The following BORCS5 variants were observed in gnomAD, a reference collection of about 807,000 sequenced individuals.
BORCS5 encodes the protein BLOC-1 related complex subunit 5.
In BORCS5, 17 loss-of-function variants were observed where a neutral mutation model predicts 22.1. The ratio of observed to expected loss-of-function variants is 0.77; its 90% CI spans 0.53 to 1.15. The LOEUF (loss-of-function observed/expected upper bound fraction) is 1.15, where lower values mean the gene tolerates loss of function less well. Among genes scored for constraint, BORCS5 ranks in the 50% most tolerant of loss-of-function variants. The pLI is 0.00. For synonymous variants in BORCS5, 117 were observed against 99.8 expected, an observed-to-expected ratio of 1.17 and a Z score of -1.03; for missense variants, 247 against 253.2, an observed-to-expected ratio of 0.98 and a Z score of 0.17.
At chr12:12,460,413 TA>T (rs569111803) in intron 3 of BORCS5, among the ~76,000 whole-genome samples, 179 of 152,360 alleles carry the variant, frequency 1.2e-3, no homozygotes, top group Non-Finnish European at 2.3e-3. Flanking sequence ...AAAGATTTTC[TA>T]AGTGTATTAT....
chr12:12,419,638 T>A (rs1362120991), intron 2 of BORCS5, among the ~76,000 whole-genome samples: 1 of 152,242 alleles, frequency 6.6e-6, no homozygotes, highest in Non-Finnish European at 1.5e-5. Flanking sequence ...CCACAATGGT[T>A]GGACTAAATT....
chr12:12,435,556 T>A, intron 2 of BORCS5, 72 bp from the exon 3 acceptor site: 1 of 1,301,438 alleles, frequency 7.7e-7, no homozygotes, highest in Non-Finnish European at 1.1e-6. Context: ...TTCAGTGAAC[T>A]TGTTAAACTA....
At chr12:12,405,851 G>A (rs928687912) in intron 2 of BORCS5, among the ~76,000 whole-genome samples, 2 of 152,216 alleles carry the variant, frequency 1.3e-5, no homozygotes, top group Non-Finnish European at 1.5e-5. Context: ...TTTTCTGGCT[G>A]ATTTAAGCAG....
chr12:12,470,452 A>G lies in BORCS5; in HGVS notation c.*4676A>G, dbSNP rs567146858. Reference sequence around the variant, plus strand: ...CCTGTCAGAACAGACCCAGCATTAGACTCCCCTAAGAGCGTGAACCCTATT... The same window carrying G: ...CCTGTCAGAACAGACCCAGCATTAGGCTCCCCTAAGAGCGTGAACCCTATT... On this transcript the variant is annotated 3_prime_UTR_variant, in exon 4 of 4. Transcript: ENST00000314565. Among the ~76,000 whole-genome samples, 4 of 151,740 alleles carry G rather than the reference A, an allele frequency of 2.6e-5. No homozygotes were observed. In the South Asian group the frequency reaches 8.4e-4, roughly 32 times the overall value.
At chr12:12,429,853 AG>A (rs1942377793) in intron 2 of BORCS5, among the ~76,000 whole-genome samples, 1 of 152,160 alleles carries the variant, frequency 6.6e-6, no homozygotes, top group Non-Finnish European at 1.5e-5. Context: ...AGTCTTCTGA[AG>A]CACCGGAGAG....
At chr12:12,442,475 A>G (rs1438050185) in intron 3 of BORCS5, among the ~76,000 whole-genome samples, 3 of 152,184 alleles carry the variant, frequency 2.0e-5, no homozygotes, top group Non-Finnish European at 2.9e-5. Context: ...AGATGTGTTG[A>G]TAAGCATAGT....
intron 3 of BORCS5, among the ~76,000 whole-genome samples, chr12:12,443,226 A>G (rs957770706): frequency 3.3e-5 from 5 of 152,218 alleles, no homozygotes; most frequent in African/African-American, 1.2e-4. Flanking sequence ...ACCTGAAATT[A>G]TAAAATGAGT....
In BORCS5 at chr12:12,435,720, C is replaced by G; in HGVS notation, c.295C>G (p.His99Asp). 1.2e-6 allele frequency: 2 copies of G among 1,614,062 alleles called. No homozygotes were observed. The highest frequency in any genetic ancestry group is 1.7e-6 in the Non-Finnish European group (2 of 1,179,966). ...VLQLCLRYQD[H>D]LHQCAEAVAF... ...GCAGCTCTGCCTCCGATATCAAGAT[C>G]ACCTGCATCAGTGTGCAGAGGCCGT... The change falls in exon 3 of 4, where the codon CAC becomes GAC. Residue 99 changes from histidine (H) to aspartate (D), a missense_variant. Transcript: ENST00000314565.
At chr12:12,436,017 T>G (rs1340902680) in intron 3 of BORCS5, 1 of 433,208 alleles carries the variant, frequency 2.3e-6, no homozygotes, top group African/African-American at 2.0e-5. Context: ...CTGTCTCAGT[T>G]TCCTCATGTG....
chr12:12,372,117 G>T (rs189569030), intron 2 of BORCS5, among the ~76,000 whole-genome samples: 1 of 152,124 alleles, frequency 6.6e-6, no homozygotes, highest in Non-Finnish European at 1.5e-5. Flanking sequence ...TCAGCTCACT[G>T]CAACCTCTGC....
In BORCS5 at chr12:12,466,150, C is replaced by A; in HGVS notation, c.*374C>A. 5.6e-6 allele frequency: 1 copy of A among 177,790 alleles called. No homozygotes were observed. The highest frequency in any genetic ancestry group is 1.2e-5 in the Non-Finnish European group (1 of 85,102). 11.0% of individuals were successfully genotyped at this position (177,790 alleles called of 1,614,324 possible). ...ATGGAGACAAGGGGAAAATATTTTA[C>A]GAAGCTCTGTGTTCTCAACGCCCTC... is the stretch of plus-strand genomic sequence containing the variant. On this transcript the variant is annotated 3_prime_UTR_variant, in exon 4 of 4. Coordinates refer to ENST00000314565, the MANE Select transcript of BORCS5 (RefSeq NM_058169.6).
At chr12:12,458,940 C>A (rs1313931830) in intron 3 of BORCS5, among the ~76,000 whole-genome samples, 1 of 151,652 alleles carries the variant, frequency 6.6e-6, no homozygotes, top group Admixed American at 6.6e-5. Context: ...CCACTGCACT[C>A]TAGCCTGGGT....
chr12:12,415,065 C>G lies in BORCS5; in HGVS notation c.203-20563C>G, dbSNP rs1349676880. On this transcript the variant is annotated intron_variant, in intron 2 of 3. Transcript: ENST00000314565. Reference sequence around the variant, plus strand: ...GCGGAGACGCTCCTCACTTTCCAGACTGGGCAGCCAGGCAGAGAGGCTCCT... The same window carrying G: ...GCGGAGACGCTCCTCACTTTCCAGAGTGGGCAGCCAGGCAGAGAGGCTCCT... 4.2e-4 allele frequency among the ~76,000 whole-genome samples: 63 copies of G among 148,332 alleles called. 1 individual carries two copies. Among genetic ancestry groups the G allele is most frequent in the African/African-American group, 1.4e-3 (56 of 40,400 alleles).
intron 2 of BORCS5, among the ~76,000 whole-genome samples, chr12:12,376,322 C>T (rs1240782903): frequency 2.0e-5 from 3 of 151,660 alleles, no homozygotes; most frequent in Admixed American, 6.6e-5. Flanking sequence ...CAAGCTCTGC[C>T]TCCTGGGTTC....
At chr12:12,463,955 G>A (rs949083281) in intron 3 of BORCS5, among the ~76,000 whole-genome samples, 1 of 152,190 alleles carries the variant, frequency 6.6e-6, no homozygotes, top group African/African-American at 2.4e-5. Flanking sequence ...AGTAAAATGT[G>A]ATGCCCGAGA....
intron 2 of BORCS5, among the ~76,000 whole-genome samples, chr12:12,385,263 G>A (rs943746525): frequency 2.6e-5 from 4 of 151,502 alleles, no homozygotes; most frequent in Middle Eastern, 3.4e-3. Flanking sequence ...CCACAACCTC[G>A]TGTTAGTATA....
chr12:12,431,400 A>AT (rs371924998), intron 2 of BORCS5, among the ~76,000 whole-genome samples: 2 of 109,784 alleles, frequency 1.8e-5, no homozygotes, highest in African/African-American at 7.3e-5. Flanking sequence ...TCTTTTGCTA[A>AT]TTCTTTTTTT....
intron 2 of BORCS5, among the ~76,000 whole-genome samples, chr12:12,398,440 T>C (rs1366329467): frequency 1.3e-5 from 2 of 152,152 alleles, no homozygotes; most frequent in Non-Finnish European, 2.9e-5. Context: ...CATGTTTGTT[T>C]TGTCAGGAAA....
intron 2 of BORCS5, among the ~76,000 whole-genome samples, chr12:12,382,085 T>C (rs1863786213): frequency 1.3e-5 from 2 of 151,456 alleles, no homozygotes; most frequent in African/African-American, 4.9e-5. Context: ...GCCATTTGTG[T>C]TAGTCCACTT....
Sources: gnomAD v4.1 joint callset for allele counts (sites outside exome capture counted in the v4.1 genomes callset) on GRCh38, gnomAD v4.1.1 for gene constraint, MANE v1.5 for transcripts, NCBI Gene and HGNC (gene_info 2026-07-23, HGNC 2026-07-21) for gene names.